ELMOD3: variants seen among roughly 807,000 people sequenced by gnomAD.
ELMOD3 encodes the protein ELMO domain containing 3.
In ELMOD3, 36 loss-of-function variants were observed where a neutral mutation model predicts 47.4. That is an observed-to-expected ratio of 0.76 (90% CI 0.58 to 1.00). The LOEUF is 1.00. ELMOD3 is among the 50% of genes least tolerant of loss of function. The pLI is 0.00. For synonymous variants in ELMOD3, 149 were observed against 183.5 expected (o/e 0.81, Z 1.52); for missense variants, 404 against 463.8 (o/e 0.87, Z 1.18).
intron 11 of ELMOD3, among the ~76,000 whole-genome samples, chr2:85,383,585 A>G (rs768823703): frequency 1.2e-4 from 18 of 152,036 alleles, no homozygotes; most frequent in Admixed American, 5.2e-4. Context: ...TGGCCTCCCA[A>G]AGTGTTGGGA....
At chr2:85,382,706 G>C (rs1264013434) in intron 11 of ELMOD3, among the ~76,000 whole-genome samples, 1 of 152,058 alleles carries the variant, frequency 6.6e-6, no homozygotes, top group Non-Finnish European at 1.5e-5. Context: ...AGTAGAGATA[G>C]GGTTTCACTA....
intron 10 of ELMOD3, among the ~76,000 whole-genome samples, chr2:85,374,778 C>T (rs998644636): frequency 1.3e-5 from 2 of 152,154 alleles, no homozygotes; most frequent in African/African-American, 4.8e-5. Flanking sequence ...CACCGTTACA[C>T]GCTAGCCTGG....
chr2:85,390,005 G>C, intron 12 of ELMOD3, 133 bp from the exon 13 acceptor site: 1 of 1,125,482 alleles, frequency 8.9e-7, no homozygotes, highest in Non-Finnish European at 1.4e-6. Flanking sequence ...TAGATGTCAG[G>C]CTCCTGGGGA....
chr2:85,371,116 G>T lies in ELMOD3; in HGVS notation c.391G>T (p.Gly131Trp). 6.2e-7 allele frequency: 1 copy of T among 1,614,222 alleles called. No homozygotes were observed. The highest frequency in any genetic ancestry group is 1.1e-5 in the South Asian group (1 of 91,088). Residue 131 changes from glycine to tryptophan, a missense_variant, in exon 9 of 14, where the codon GGG becomes TGG. Physicochemically the swap from Gly to Trp is radical, Grantham distance 184. Coordinates refer to ENST00000409013, the MANE Select transcript of ELMOD3 (RefSeq NM_001135022.2). ...AATCCAGCCAACTATTCGAAGGACT[G>T]GGCTCGCCGCCCTCCGACACTACCT... is the stretch of plus-strand genomic sequence containing the variant. ...KRIQPTIRRT[G>W]LAALRHYLFG...
At position 85,377,426 on chromosome 2, in the gene ELMOD3, C is replaced by G; in HGVS notation, c.690C>G (p.Thr230=). The change falls in exon 11 of 14, where the codon ACC becomes ACG. Residue 230 remains threonine (T), a synonymous_variant. Transcript: ENST00000409013. ...TCTACCTGGTGATGGACTCAAAGACCTTGCCGATGGCGCAGGAGATTTTCC... is the reference window on the plus strand; with the variant it reads ...TCTACCTGGTGATGGACTCAAAGACGTTGCCGATGGCGCAGGAGATTTTCC... The part of the protein sequence containing the change: ...HLLYLVMDSK[T]LPMAQEIFRL... 6.2e-7 allele frequency: 1 copy of G among 1,611,030 alleles called. No individual in the cohort carries two copies. The highest frequency in any genetic ancestry group is 2.2e-5 in the East Asian group (1 of 44,588).
chr2:85,363,743 G>A (rs1052654098), intron 6 of ELMOD3, among the ~76,000 whole-genome samples: 1 of 152,208 alleles, frequency 6.6e-6, no homozygotes, highest in Non-Finnish European at 1.5e-5. Flanking sequence ...TCACATGGAT[G>A]GTGGCAGGCA....
chr2:85,371,328 G>A lies in ELMOD3; in HGVS notation c.485-112G>A, dbSNP rs772712336. 2 of 1,599,758 alleles carry A rather than the reference G, an allele frequency of 1.3e-6. 1 individual carries two copies. The highest frequency in any genetic ancestry group is 2.2e-5 in the South Asian group (2 of 90,076). The stretch of plus-strand genomic sequence containing the variant: ...CATGTACCATGGTTGGCGGGTGAGA[G>A]TGGGAGCTGAGAACTGGATGTCTCA... On this transcript the variant is annotated intron_variant, in intron 9 of 13. Coordinates refer to ENST00000409013, the MANE Select transcript of ELMOD3 (RefSeq NM_001135022.2).
At chr2:85,389,874 G>GT (rs749752112) in intron 12 of ELMOD3, 47 bp downstream of exon 12, 184 of 1,549,906 alleles carry the variant, frequency 1.2e-4, no homozygotes, top group Non-Finnish European at 1.5e-4. Context: ...GCAAAGCCTT[G>GT]TTCGTCCCCA....
At chr2:85,379,266 G>C (rs1685386437) in intron 11 of ELMOD3, among the ~76,000 whole-genome samples, 1 of 152,248 alleles carries the variant, frequency 6.6e-6, no homozygotes, top group South Asian at 2.1e-4. Context: ...CTGGAGTGCA[G>C]TGGCGCGATA....
In ELMOD3 at chr2:85,363,253, C is replaced by T. The variant is rs373667288; in HGVS notation, c.199+87C>T. ...TCTGCTGTTCATCATTTGAATTTCT[C>T]TCACTCCTTGTCTTTCAGAATTTTG... On this transcript the variant is annotated intron_variant, in intron 6 of 13. Transcript: ENST00000409013. The T allele has an allele frequency of 2.0e-4, 149 of 754,190 alleles. No homozygotes were observed. The African/African-American group carries it at 2.4e-3, about 12-fold the overall frequency. The allele number at this position is 754,190 out of a possible 1,614,324, so 46.7% of individuals were successfully genotyped here.
chr2:85,354,999 C>T (rs1264836297), intron 1 of ELMOD3, 77 bp from the exon 2 acceptor site: 1 of 157,316 alleles, frequency 6.4e-6, no homozygotes, highest in Non-Finnish European at 1.4e-5. Context: ...GACAGGAGTC[C>T]TGAGTTCTGG....
At chr2:85,364,825 A>ATTTTTTTTT (rs869054374) in intron 6 of ELMOD3, among the ~76,000 whole-genome samples, 42 of 69,902 alleles carry the variant, frequency 6.0e-4, no homozygotes, top group African/African-American at 1.5e-3. Flanking sequence ...ATATATATAT[A>ATTTTTTTTT]TTTTTTTTTT....
intron 4 of ELMOD3, among the ~76,000 whole-genome samples, chr2:85,361,900 C>T (rs1182489654): frequency 2.0e-5 from 3 of 151,292 alleles, no homozygotes; most frequent in Non-Finnish European, 1.5e-5. Context: ...CACTGTACTC[C>T]AGCCTGGGTG....
intron 7 of ELMOD3, 22 bp from the exon 8 acceptor site, chr2:85,369,717 C>A: frequency 6.2e-7 from 1 of 1,611,364 alleles, no homozygotes; most frequent in Non-Finnish European, 8.5e-7. Context: ...TAAATCCTGG[C>A]ATGTCTTCCG....
chr2:85,387,773 G>C (rs1402989009), intron 11 of ELMOD3, among the ~76,000 whole-genome samples: 1 of 152,012 alleles, frequency 6.6e-6, no homozygotes, highest in Non-Finnish European at 1.5e-5. Context: ...CCACCTGCAG[G>C]TTCAATGATT....
At chr2:85,363,486 C>A (rs918660134) in intron 6 of ELMOD3, among the ~76,000 whole-genome samples, 29 of 152,334 alleles carry the variant, frequency 1.9e-4, no homozygotes, top group African/African-American at 6.0e-4. Context: ...TATTCTACTT[C>A]ATCTGCTTTG....
At chr2:85,377,033 A>G (rs939228390) in intron 10 of ELMOD3, 7 of 188,198 alleles carry the variant, frequency 3.7e-5, no homozygotes, top group Non-Finnish European at 6.5e-5. Flanking sequence ...ATCTTGTTCC[A>G]GAACTGTAAA....
At position 85,376,081 on chromosome 2, in the gene ELMOD3, T is replaced by TAA. The variant is rs1685149479; in HGVS notation, c.608-1263_608-1262insAA. ...CCCTTTGCCATGTTACATAACATAG[T>TAA]CATAGCTTCTGGGGACATGGTCATC... On this transcript the variant is annotated intron_variant, in intron 10 of 13. Transcript: ENST00000409013. The surrounding 1 kb of genome is among the most constrained non-coding windows in gnomAD (Gnocchi z 4.2). Among the ~76,000 whole-genome samples the TAA allele has an allele frequency of 6.6e-6, 1 of 152,198 alleles. No homozygotes were observed. Among genetic ancestry groups the TAA allele is most frequent in the African/African-American group, 2.4e-5 (1 of 41,442 alleles).
chr2:85,363,079 G>A lies in ELMOD3; in HGVS notation c.130-18G>A, dbSNP rs1684100614. ...ATGTGGATTCTATCCTCAAGCTAAA[G>A]GTCAGCTGCCTCTACAGATCTCAGA... On this transcript the variant is annotated intron_variant, in intron 5 of 13. Transcript: ENST00000409013. 6.4e-7 allele frequency: 1 copy of A among 1,566,582 alleles called. No homozygotes were observed. Among genetic ancestry groups the A allele is most frequent in the Non-Finnish European group, 8.8e-7 (1 of 1,137,400 alleles).
Sources: allele counts gnomAD v4.1 joint callset (sites outside exome capture counted in the v4.1 genomes callset), GRCh38; gene constraint gnomAD v4.1.1; non-coding constraint Gnocchi (gnomAD v3.1); transcripts MANE v1.5; gene names NCBI Gene and HGNC (gene_info 2026-07-23, HGNC 2026-07-21).